GOLGA8M: variants seen among roughly 807,000 people sequenced by gnomAD.
The protein encoded by GOLGA8M is golgin A8 family member M, also known as golgin subfamily A member 8M.
In GOLGA8M, 34 loss-of-function variants were observed where a neutral mutation model predicts 87.7. The observed-to-expected ratio is 0.39, with a 90% CI of 0.29 to 0.52. GOLGA8M has a LOEUF of 0.52. Ranked by LOEUF, GOLGA8M falls within the 20% of genes least tolerant of loss-of-function variation. GOLGA8M has a pLI of 0.80. For missense variants in GOLGA8M, 396 were observed against 682.2 expected (o/e 0.58, Z 4.67); for synonymous variants, 138 against 250.2 (o/e 0.55, Z 4.23).
chr15:28,699,134 C>T lies in GOLGA8M; in HGVS notation c.*2820G>A, dbSNP rs1245020106. ...TATGGATAGGGCTGATTTACATTTT[C>T]AAATTTTCTAAAATCAGCTTTGGTT... is the stretch of plus-strand genomic sequence containing the variant. On this transcript the variant is annotated 3_prime_UTR_variant, in exon 19 of 19. Coordinates refer to ENST00000563027, the MANE Select transcript of GOLGA8M (RefSeq NM_001282468.3). Among the ~76,000 whole-genome samples, 8 of 148,954 alleles carry T rather than the reference C, an allele frequency of 5.4e-5. No homozygotes were observed. Among genetic ancestry groups the T allele is most frequent in the African/African-American group, 2.0e-4 (8 of 40,382 alleles).
Position 28,702,669 on chromosome 15 carries a change from T to C in GOLGA8M, c.1445A>G (p.Gln482Arg), listed in dbSNP as rs756356467. 11 of 1,607,744 alleles carry C rather than the reference T, an allele frequency of 6.8e-6. No homozygotes were observed. Among genetic ancestry groups the C allele is most frequent in the Non-Finnish European group, 8.5e-7 (1 of 1,179,712 alleles). ...LVKKQELRFI[Q>R]YWQERCHQKI... ...CTGATGGCATCTCTCTTGCCAGTATTGAATGAAGCGAAGTTCTTGTTTCTT... is the reference window on the plus strand; with the variant it reads ...CTGATGGCATCTCTCTTGCCAGTATCGAATGAAGCGAAGTTCTTGTTTCTT... The change falls in exon 16 of 19, where the codon CAA becomes CGA. Residue 482 changes from glutamine (Q) to arginine (R), a missense_variant. Coordinates refer to ENST00000563027, the MANE Select transcript of GOLGA8M (RefSeq NM_001282468.3).
rs544527208 is a variant in GOLGA8M at position 28,705,094 on chromosome 15, C to A, written c.1200+65G>T. ...CTGCCTCTGGCCTGGTACCTCCCCTCCCCAGAGGCTGCTGCCCGCCTCCCA... is the reference window on the plus strand; with the variant it reads ...CTGCCTCTGGCCTGGTACCTCCCCTACCCAGAGGCTGCTGCCCGCCTCCCA... On this transcript the variant is annotated intron_variant, in intron 13 of 18. Transcript: ENST00000563027. 3.1e-5 allele frequency: 50 copies of A among 1,587,970 alleles called. No homozygotes were observed. The African/African-American group carries it at 4.6e-4, about 14-fold the overall frequency.
In GOLGA8M at chr15:28,701,758, A is replaced by G. The variant is rs1021321393; in HGVS notation, c.*196T>C. The stretch of plus-strand genomic sequence containing the variant: ...AAAAATGCTAAAGGATGCCAGAGTG[A>G]ACATCAGTGAGAGCCACAGACACCC... On this transcript the variant is annotated 3_prime_UTR_variant, in exon 19 of 19. Transcript: ENST00000563027. Among the ~76,000 whole-genome samples, 2 of 151,954 alleles carry G rather than the reference A, an allele frequency of 1.3e-5. No individual in the cohort carries two copies. Among genetic ancestry groups the G allele is most frequent in the Non-Finnish European group, 2.9e-5 (2 of 67,994 alleles).
At chr15:28,711,694 G>T (rs2080199957) in intron 1 of GOLGA8M, 2 of 984,834 alleles carry the variant, frequency 2.0e-6, no homozygotes, top group South Asian at 9.4e-5. Flanking sequence ...AGTAACGGCA[G>T]TTACTAGGTG....
intron 13 of GOLGA8M, 135 bp from the exon 14 acceptor site, chr15:28,704,052 G>C (rs2079924131): frequency 6.5e-7 from 1 of 1,541,024 alleles, no homozygotes; most frequent in Admixed American, 2.1e-5. Flanking sequence ...TTTGCCTCAA[G>C]CTTCCTGCTA....
rs1012562652 is a variant in GOLGA8M, at chr15:28,707,017, C to T, written c.592-318G>A. Among the ~76,000 whole-genome samples the T allele has an allele frequency of 2.1e-5, 3 of 139,818 alleles. 1 individual carries two copies. Among genetic ancestry groups the T allele is most frequent in the Non-Finnish European group, 4.4e-5 (3 of 67,586 alleles). The allele number at this position is 139,818 out of a possible 152,430, so 91.7% of individuals were successfully genotyped here. On this transcript the variant is annotated intron_variant, in intron 8 of 18. Transcript: ENST00000563027. The stretch of plus-strand genomic sequence containing the variant: ...CATGCTAACAATCCCATTTAATCCT[C>T]GCAACCACCATAGGAGACAGTTACT...
rs2079738353 is a variant in GOLGA8M at position 28,698,634 on chromosome 15, ATAGTT to A, written c.*3315_*3319del. On this transcript the variant is annotated 3_prime_UTR_variant, in exon 19 of 19. Transcript: ENST00000563027. ...ATTTTGGTTTTTAATAAACACTTGC[ATAGTT>A]ATATTACAACTTTGTAAAAATGAAA... Among the ~76,000 whole-genome samples, 1 of 147,292 alleles carries A rather than the reference ATAGTT, an allele frequency of 6.8e-6. No individual in the cohort carries two copies. Among genetic ancestry groups the A allele is most frequent in the Non-Finnish European group, 1.5e-5 (1 of 67,738 alleles).
upstream of GOLGA8M, among the ~76,000 whole-genome samples, chr15:28,712,798 C>T (rs55895817): frequency 4.7e-3 from 716 of 152,314 alleles, 5 homozygotes; most frequent in Non-Finnish European, 6.3e-3. Flanking sequence ...TTTTGGCCTA[C>T]ATTTTTCATC....
intron 2 of GOLGA8M, among the ~76,000 whole-genome samples, chr15:28,710,039 C>T (rs2080152459): frequency 6.9e-6 from 1 of 143,926 alleles, no homozygotes; most frequent in African/African-American, 2.6e-5. Flanking sequence ...TAAATCATAT[C>T]CCTAGCAGAG....
upstream of GOLGA8M, among the ~76,000 whole-genome samples, chr15:28,712,733 CTA>C (rs1389686417): frequency 3.3e-5 from 5 of 152,204 alleles, no homozygotes; most frequent in Non-Finnish European, 1.5e-5. Flanking sequence ...GTGTGCGTAT[CTA>C]TGTTTTTCTC....
chr15:28,712,431 G>A (rs543126080), upstream of GOLGA8M: 659 of 1,597,510 alleles, frequency 4.1e-4, 2 homozygotes, highest in Non-Finnish European at 4.9e-4. Context: ...TGAGCCAGAG[G>A]AGGCGTAACC....
chr15:28,708,760 A>G (rs1301508337), intron 4 of GOLGA8M, among the ~76,000 whole-genome samples: 1 of 152,148 alleles, frequency 6.6e-6, no homozygotes. Flanking sequence ...TGTATGGACC[A>G]GGTACGGTTC....
In GOLGA8M at chr15:28,701,242, G is replaced by A. The variant is rs1358520333; in HGVS notation, c.*712C>T. On this transcript the variant is annotated 3_prime_UTR_variant, in exon 19 of 19. Transcript: ENST00000563027. ...CCTAAGGGCACCACCATAATACACC[G>A]CTAATTCCTGGCACCGGAACAGATG... 6.6e-6 allele frequency among the ~76,000 whole-genome samples: 1 copy of A among 151,780 alleles called. No homozygotes were observed. The highest frequency in any genetic ancestry group is 1.9e-4 in the East Asian group (1 of 5,158).
chr15:28,706,849 C>G, intron 8 of GOLGA8M, 150 bp from the exon 9 acceptor site: 1 of 770,854 alleles, frequency 1.3e-6, no homozygotes. Flanking sequence ...TTTAAAAGAA[C>G]ACAGTAAAGT....
At chr15:28,708,278 T>C in intron 5 of GOLGA8M, 97 bp downstream of exon 5, 1 of 1,611,248 alleles carries the variant, frequency 6.2e-7, no homozygotes, top group South Asian at 1.1e-5. Flanking sequence ...GGCCCACCCA[T>C]GGGACCAGGT....
rs1377847597 is a variant in GOLGA8M at position 28,703,081 on chromosome 15, G to A, written c.1368+238C>T. The A allele has an allele frequency of 3.7e-5, 28 of 764,102 alleles. 1 individual carries two copies. Among genetic ancestry groups the A allele is most frequent in the African/African-American group, 7.5e-5 (3 of 40,194 alleles). The allele number at this position is 764,102 out of a possible 1,614,324, so 47.3% of individuals were successfully genotyped here. On this transcript the variant is annotated intron_variant, in intron 15 of 18. Transcript: ENST00000563027. ...AATGCCACCTGAGGGCAAGATGTGAGCATTCTTCTAGGGGCATACACAGAA... is the reference window on the plus strand; with the variant it reads ...AATGCCACCTGAGGGCAAGATGTGAACATTCTTCTAGGGGCATACACAGAA...
At position 28,701,706 on chromosome 15, in the gene GOLGA8M, T is replaced by G. The variant is rs558444262; in HGVS notation, c.*248A>C. 9.1e-4 allele frequency among the ~76,000 whole-genome samples: 138 copies of G among 152,150 alleles called. No homozygotes were observed. The highest frequency in any genetic ancestry group is 2.7e-3 in the South Asian group (13 of 4,804). ...AGGGCAAACTCGATATGCATGCTAA[T>G]GACCTACAATTATGAAATTAAAAAA... On this transcript the variant is annotated 3_prime_UTR_variant, in exon 19 of 19. Transcript: ENST00000563027.
chr15:28,712,699 T>C (rs2080229561), upstream of GOLGA8M, among the ~76,000 whole-genome samples: 1 of 152,216 alleles, frequency 6.6e-6, no homozygotes, highest in South Asian at 2.1e-4. Flanking sequence ...TATGTGTGTA[T>C]ACTTTATATA....
chr15:28,706,720 A>G (rs1347364181), intron 8 of GOLGA8M, 21 bp from the exon 9 acceptor site: 24 of 1,452,966 alleles, frequency 1.7e-5, no homozygotes, highest in Non-Finnish European at 2.2e-5. Flanking sequence ...AAGAGTGAGA[A>G]GTTTCAATCT....
Sources: allele counts gnomAD v4.1 joint callset (sites outside exome capture counted in the v4.1 genomes callset), GRCh38; gene constraint gnomAD v4.1.1; transcripts MANE v1.5; gene names NCBI Gene and HGNC (gene_info 2026-07-23, HGNC 2026-07-21).